COL4A5: variants seen among roughly 807,000 people sequenced by gnomAD.
COL4A5 encodes the protein collagen type IV alpha 5 chain, also known as collagen alpha-5(IV) chain.
Under a neutral mutation model 130.2 loss-of-function variants are expected in COL4A5, and 26 were observed. The ratio of observed to expected loss-of-function variants is 0.20; its 90% CI spans 0.15 to 0.28. COL4A5 has a LOEUF of 0.28. Among genes scored for constraint, COL4A5 ranks in the 10% least tolerant of loss-of-function variants. The probability of loss-of-function intolerance (pLI) is 1.00; values close to 1 mark genes in which losing one functional copy is unlikely to be tolerated. For missense variants in COL4A5, 1,131 were observed against 1,344.3 expected, an observed-to-expected ratio of 0.84 and a Z score of 2.48; for synonymous variants, 496 against 439.6, an observed-to-expected ratio of 1.13 and a Z score of -1.60.
chrX:108,568,324 A>G (rs2066005866), intron 4 of COL4A5, among the ~76,000 whole-genome samples: 1 of 111,396 alleles, frequency 9.0e-6, no homozygotes, highest in Non-Finnish European at 1.9e-5. Flanking sequence ...TTTCATCACA[A>G]ACCTGGGAGA....
intron 1 of COL4A5, among the ~76,000 whole-genome samples, chrX:108,535,490 TAGA>T (rs777922322): frequency 1.0e-3 from 115 of 111,431 alleles, no homozygotes; most frequent in East Asian, 4.2e-3. Flanking sequence ...GCCCAGCCTC[TAGA>T]AGGTCAATGC....
chrX:108,586,774 GT>G, intron 19 of COL4A5, 27 bp downstream of exon 19: 1 of 1,196,289 alleles, frequency 8.4e-7, no homozygotes, highest in Non-Finnish European at 1.1e-6. Context: ...TTATGGCCTT[GT>G]TCTTATAGCA....
intron 33 of COL4A5, among the ~76,000 whole-genome samples, chrX:108,623,537 A>T (rs1165962009): frequency 8.9e-6 from 1 of 112,172 alleles, no homozygotes; most frequent in East Asian, 2.8e-4. Context: ...CTTGGCACCC[A>T]ATCTATATAG....
chrX:108,576,670 CTA>C (rs1320393967), intron 10 of COL4A5, among the ~76,000 whole-genome samples: 3 of 112,230 alleles, frequency 2.7e-5, no homozygotes, highest in Non-Finnish European at 5.6e-5. Context: ...ATGTGCCACT[CTA>C]TCTCTCATCT....
Position 108,668,406 on chromosome X carries a change from C to A in COL4A5, c.3692C>A (p.Pro1231His), listed in dbSNP as rs1044043486. 1 of 1,211,098 alleles carries A rather than the reference C, an allele frequency of 8.3e-7. No individual in the cohort carries two copies. The highest frequency in any genetic ancestry group is 1.1e-6 in the Non-Finnish European group (1 of 895,253). The change falls in exon 41 of 53, where the codon CCT becomes CAT. Residue 1231 changes from proline to histidine, a missense_variant. Physicochemically the swap from Pro to His is moderately conservative, Grantham distance 77 (BLOSUM62 -2). Transcript: ENST00000328300. ...GGCGAACCAGGCTTTCACGGTTTCCCTGGTGTGCAGGGTCCCCCAGGCCCT... is the reference window on the plus strand; with the variant it reads ...GGCGAACCAGGCTTTCACGGTTTCCATGGTGTGCAGGGTCCCCCAGGCCCT... ...PKGEPGFHGF[P>H]GVQGPPGPPG... is the part of the protein sequence containing the mutation.
intron 36 of COL4A5, among the ~76,000 whole-genome samples, chrX:108,639,726 TGACTTGAATA>T (rs1263298237): frequency 2.7e-5 from 3 of 111,741 alleles, no homozygotes; most frequent in Non-Finnish European, 5.7e-5. Context: ...AATAAGCAAA[TGACTTGAATA>T]GACCTTTCTT....
At chrX:108,496,071 C>T (rs1035204964) in intron 1 of COL4A5, among the ~76,000 whole-genome samples, 1 of 112,136 alleles carries the variant, frequency 8.9e-6, no homozygotes, top group East Asian at 2.8e-4. Flanking sequence ...ATTTGCCTTC[C>T]CTGCTTTGCA....
chrX:108,685,597 GT>G (rs1219653429), intron 47 of COL4A5, among the ~76,000 whole-genome samples: 1 of 112,163 alleles, frequency 8.9e-6, no homozygotes, highest in East Asian at 2.8e-4. Flanking sequence ...AAACTAACTG[GT>G]GTCTAGCTGG....
At chrX:108,531,931 T>C (rs1378562812) in intron 1 of COL4A5, among the ~76,000 whole-genome samples, 2 of 111,400 alleles carry the variant, frequency 1.8e-5, no homozygotes, top group Admixed American at 1.9e-4. Flanking sequence ...GTAGTGAGAT[T>C]GAATCAGTAA....
At chrX:108,546,330 C>T (rs1222098360) in intron 2 of COL4A5, among the ~76,000 whole-genome samples, 69 of 111,623 alleles carry the variant, frequency 6.2e-4, no homozygotes, top group Middle Eastern at 4.6e-3. Flanking sequence ...TCAGCATTTG[C>T]TTGTCTGTAA....
chrX:108,591,654 C>G lies in COL4A5; in HGVS notation c.1423+10C>G. The stretch of plus-strand genomic sequence containing the variant: ...GAACAAGGAGTGAAAGGTTTGATCT[C>G]CAAACATATTCATTCCTTCATTTTC... On this transcript the variant is annotated intron_variant, in intron 21 of 52. Transcript: ENST00000328300. 3 of 1,144,729 alleles carry G rather than the reference C, an allele frequency of 2.6e-6. No homozygotes were observed. The highest frequency in any genetic ancestry group is 3.6e-6 in the Non-Finnish European group (3 of 834,613). The allele number at this position is 1,144,729 out of a possible 1,213,427, so 94.3% of individuals were successfully genotyped here. A position where few individuals can be genotyped will look rare whatever the true frequency, so the allele number is the denominator to read the frequency against.
At chrX:108,659,991 A>T (rs1461578720) in intron 37 of COL4A5, among the ~76,000 whole-genome samples, 2 of 110,461 alleles carry the variant, frequency 1.8e-5, no homozygotes, top group African/African-American at 6.6e-5. Flanking sequence ...ATGCTGTGGT[A>T]TTCCATTCTA....
At chrX:108,629,115 G>A (rs2067205539) in intron 36 of COL4A5, among the ~76,000 whole-genome samples, 1 of 111,512 alleles carries the variant, frequency 9.0e-6, no homozygotes, top group African/African-American at 3.3e-5. Flanking sequence ...TGAGGTGTGA[G>A]CATACCTGAC....
intron 1 of COL4A5, among the ~76,000 whole-genome samples, chrX:108,507,547 G>T (rs781719280): frequency 8.9e-6 from 1 of 111,997 alleles, no homozygotes; most frequent in Non-Finnish European, 1.9e-5. Context: ...GGTGGCTCAC[G>T]CCTGTAGTCT....
Position 108,478,878 on chromosome X carries a change from A to G in COL4A5, c.81+38672A>G, listed in dbSNP as rs1340653589. ...GCCTTTTCCATATGGAAGAGGTCCA[A>G]TATAATCAACCTGCCACCAGGTAGC... On this transcript the variant is annotated intron_variant, in intron 1 of 52. Transcript: ENST00000328300. Among the ~76,000 whole-genome samples the G allele has an allele frequency of 6.2e-5, 7 of 112,238 alleles. No individual in the cohort carries two copies. In the East Asian group the frequency reaches 1.7e-3, roughly 27 times the overall value.
At chrX:108,451,465 T>C (rs1187908008) in intron 1 of COL4A5, among the ~76,000 whole-genome samples, 3 of 112,033 alleles carry the variant, frequency 2.7e-5, no homozygotes, top group African/African-American at 3.2e-5. Flanking sequence ...CCACCAACAG[T>C]GTAAAAGTGT....
rs778978745 is a variant in COL4A5, at chrX:108,697,064, T to TA, written c.*692dup. 1.8e-5 allele frequency: 2 copies of TA among 111,893 alleles called. No homozygotes were observed. The highest frequency in any genetic ancestry group is 3.7e-4 in the South Asian group (1 of 2,728). The allele number at this position is 111,893 out of a possible 1,213,427, so 9.2% of individuals were successfully genotyped here. ...CCGTAAGTTCTGTTTTGATTTTTTT[T>TA]AAAAAACAAACCCTTTTAGTCACTT... On this transcript the variant is annotated 3_prime_UTR_variant, in exon 53 of 53. Coordinates refer to ENST00000328300, the MANE Select transcript of COL4A5 (RefSeq NM_033380.3).
At chrX:108,554,624 G>C (rs1306239535) in intron 2 of COL4A5, among the ~76,000 whole-genome samples, 1 of 111,970 alleles carries the variant, frequency 8.9e-6, no homozygotes, top group Non-Finnish European at 1.9e-5. Flanking sequence ...ACTTTGAGAG[G>C]CTGAGGCAGG....
intron 24 of COL4A5, among the ~76,000 whole-genome samples, chrX:108,598,409 C>T (rs1364695788): frequency 9.0e-6 from 1 of 111,545 alleles, no homozygotes; most frequent in Non-Finnish European, 1.9e-5. Context: ...GTTATCTAGA[C>T]TATAACCTTT....
Sources: gnomAD v4.1 joint callset for allele counts (sites outside exome capture counted in the v4.1 genomes callset) on GRCh38, gnomAD v4.1.1 for gene constraint, MANE v1.5 for transcripts, NCBI Gene and HGNC (gene_info 2026-07-23, HGNC 2026-07-21) for gene names.